The following ATXN10 variants were observed in gnomAD, a reference collection of about 807,000 sequenced individuals.
ATXN10 encodes ataxin 10.
Under a neutral mutation model 52.9 loss-of-function variants are expected in ATXN10, and 28 were observed. The ratio of observed to expected loss-of-function variants is 0.53; its 90% CI spans 0.39 to 0.73. The LOEUF (loss-of-function observed/expected upper bound fraction) is 0.73. Among genes scored for constraint, ATXN10 ranks in the 30% least tolerant of loss-of-function variants. ATXN10 has a pLI of 0.00. For missense variants in ATXN10, 565 were observed against 577.0 expected (o/e 0.98, Z 0.21); for synonymous variants, 226 against 221.5 (o/e 1.02, Z -0.18).
At chr22:45,758,970 A>C (rs1048568917) in intron 9 of ATXN10, among the ~76,000 whole-genome samples, 7 of 152,244 alleles carry the variant, frequency 4.6e-5, no homozygotes, top group Admixed American at 4.6e-4. Context: ...AGAGATTTAA[A>C]TCTTTAGAGT....
Position 45,840,186 on chromosome 22 carries a change from C to T in ATXN10, c.1238-2805C>T, listed in dbSNP as rs1191943596. 1.3e-5 allele frequency among the ~76,000 whole-genome samples: 2 copies of T among 152,188 alleles called. No homozygotes were observed. Among genetic ancestry groups the T allele is most frequent in the Non-Finnish European group, 2.9e-5 (2 of 68,048 alleles). On this transcript the variant is annotated intron_variant, in intron 10 of 11. Coordinates refer to ENST00000252934, the MANE Select transcript of ATXN10 (RefSeq NM_013236.4). This position sits in a 1 kb window ranked among gnomAD's most constrained non-coding sequence, Gnocchi z 5.8. ...AGCCTAGGCTTTCAAGACACAATTT[C>T]AATAAATATGTATTGAACATCCACT...
intron 9 of ATXN10, among the ~76,000 whole-genome samples, chr22:45,796,454 C>A (rs1009187467): frequency 4.6e-5 from 7 of 152,108 alleles, no homozygotes. Flanking sequence ...TCTCTGTGAC[C>A]CACACCCTGT....
intron 9 of ATXN10, among the ~76,000 whole-genome samples, chr22:45,746,318 A>G (rs1925723901): frequency 6.6e-6 from 1 of 150,600 alleles, no homozygotes; most frequent in African/African-American, 2.5e-5. Flanking sequence ...TAACTCCTTT[A>G]TTATTTCCTC....
At chr22:45,711,967 T>C (rs1353724932) in intron 5 of ATXN10, among the ~76,000 whole-genome samples, 1 of 152,248 alleles carries the variant, frequency 6.6e-6, no homozygotes, top group African/African-American at 2.4e-5. Context: ...GTATATCTTT[T>C]TGTGAAATGT....
At chr22:45,745,078 T>G (rs533439201) in intron 9 of ATXN10, among the ~76,000 whole-genome samples, 64 of 152,366 alleles carry the variant, frequency 4.2e-4, no homozygotes, top group South Asian at 3.9e-3. Context: ...TCTAAACTTT[T>G]GTGGACCTAA....
chr22:45,680,333 G>T (rs1922870063), intron 1 of ATXN10, among the ~76,000 whole-genome samples: 1 of 152,108 alleles, frequency 6.6e-6, no homozygotes, highest in Non-Finnish European at 1.5e-5. Context: ...CATTTAAAAA[G>T]ACTTAAGTGG....
In ATXN10 at chr22:45,842,505, C is replaced by T. The variant is rs1405411469; in HGVS notation, c.1238-486C>T. On this transcript the variant is annotated intron_variant, in intron 10 of 11. Transcript: ENST00000252934. The surrounding 1 kb of genome is among the most constrained non-coding windows in gnomAD (Gnocchi z 4.8). The stretch of plus-strand genomic sequence containing the variant: ...GAAACAATTCTTATTTCTAACTGGG[C>T]TCCCATTAAAACAAGATGATTTTCC... 6.6e-6 allele frequency among the ~76,000 whole-genome samples: 1 copy of T among 152,222 alleles called. No individual in the cohort carries two copies. The highest frequency in any genetic ancestry group is 6.5e-5 in the Admixed American group (1 of 15,282).
intron 9 of ATXN10, among the ~76,000 whole-genome samples, chr22:45,778,055 G>A (rs1927021812): frequency 6.6e-6 from 1 of 152,194 alleles, no homozygotes; most frequent in Non-Finnish European, 1.5e-5. Flanking sequence ...CAACAACACA[G>A]TTGAGTAGTT....
In ATXN10 at chr22:45,700,369, A is replaced by T. The variant is rs762802128; in HGVS notation, c.479A>T (p.Glu160Val). 3.1e-6 allele frequency: 5 copies of T among 1,612,982 alleles called. No individual in the cohort carries two copies. The highest frequency in any genetic ancestry group is 4.2e-6 in the Non-Finnish European group (5 of 1,179,110). Residue 160 changes from glutamate (E) to valine (V), a missense_variant, in exon 4 of 12, where the codon GAA (glutamate) becomes GTA (valine). Physicochemically the swap from Glu to Val is moderately radical, Grantham distance 121. Transcript: ENST00000252934. The stretch of plus-strand genomic sequence containing the variant: ...ATTGTTTGGGTGCATGCTTTCCCAG[A>T]ACTGTTTTTGTGAGTATATTGATAA... Reference protein sequence around the residue: ...QSIVWVHAFPELFLSCLNHPD... With the variant: ...QSIVWVHAFPVLFLSCLNHPD...
Position 45,688,526 on chromosome 22 carries a change from AAC to A in ATXN10, c.117-1180_117-1179del, listed in dbSNP as rs1398744861. On this transcript the variant is annotated intron_variant, in intron 1 of 11. Coordinates refer to ENST00000252934, the MANE Select transcript of ATXN10 (RefSeq NM_013236.4). The surrounding 1 kb of genome is among the most constrained non-coding windows in gnomAD (Gnocchi z 4.0). ...TTCTATTGTCTGTTCGTAAGATAAAAACACACATCACTTGGTGTATAAGAAGC... is the reference window on the plus strand; with the variant it reads ...TTCTATTGTCTGTTCGTAAGATAAAAACACATCACTTGGTGTATAAGAAGC... 6.6e-6 allele frequency among the ~76,000 whole-genome samples: 1 copy of A among 152,220 alleles called. No individual in the cohort carries two copies. Among genetic ancestry groups the A allele is most frequent in the Non-Finnish European group, 1.5e-5 (1 of 68,038 alleles).
At chr22:45,810,491 G>C (rs899826030) in intron 10 of ATXN10, among the ~76,000 whole-genome samples, 2 of 152,302 alleles carry the variant, frequency 1.3e-5, no homozygotes, top group East Asian at 1.9e-4. Context: ...TACACACACA[G>C]AAAACCTCGT....
chr22:45,740,080 CT>C (rs1424100328), intron 8 of ATXN10, among the ~76,000 whole-genome samples: 1 of 152,160 alleles, frequency 6.6e-6, no homozygotes, highest in African/African-American at 2.4e-5. Flanking sequence ...TGCTAGCAAA[CT>C]TTTAGCTAAC....
Position 45,763,256 on chromosome 22 carries a change from A to T in ATXN10, c.1173+22718A>T, listed in dbSNP as rs1052168393. 1.3e-5 allele frequency among the ~76,000 whole-genome samples: 2 copies of T among 151,996 alleles called. No individual in the cohort carries two copies. Among genetic ancestry groups the T allele is most frequent in the African/African-American group, 4.8e-5 (2 of 41,382 alleles). ...GAGAGCTGGAGAGAGTGAGGTGGTG[A>T]GGTGGGCCTGGCGTGTTCAAGGCAG... On this transcript the variant is annotated intron_variant, in intron 9 of 11. Coordinates refer to ENST00000252934, the MANE Select transcript of ATXN10 (RefSeq NM_013236.4). The surrounding 1 kb of genome is among the most constrained non-coding windows in gnomAD (Gnocchi z 6.9).
intron 10 of ATXN10, among the ~76,000 whole-genome samples, chr22:45,813,003 A>C (rs1928333227): frequency 6.6e-6 from 1 of 152,202 alleles, no homozygotes; most frequent in South Asian, 2.1e-4. Context: ...GGGATTTCCA[A>C]ATCCAGGGAA....
Position 45,843,848 on chromosome 22 carries a change from C to G in ATXN10, c.*177C>G, listed in dbSNP as rs1251814195. 1 of 647,298 alleles carries G rather than the reference C, an allele frequency of 1.5e-6. No individual in the cohort carries two copies. Among genetic ancestry groups the G allele is most frequent in the Non-Finnish European group, 2.7e-6 (1 of 370,214 alleles). 40.1% of individuals were successfully genotyped at this position (647,298 alleles called of 1,614,324 possible). ...CTAAAAGTGAAAGTAACTGAGTGTT[C>G]TCTTGTTTCTTTGCATTAATGTAAC... On this transcript the variant is annotated 3_prime_UTR_variant, in exon 12 of 12. Coordinates refer to ENST00000252934, the MANE Select transcript of ATXN10 (RefSeq NM_013236.4). The surrounding 1 kb of genome is among the most constrained non-coding windows in gnomAD (Gnocchi z 4.5).
intron 5 of ATXN10, among the ~76,000 whole-genome samples, chr22:45,713,788 A>G (rs1181806468): frequency 6.6e-6 from 1 of 152,168 alleles, no homozygotes; most frequent in South Asian, 2.1e-4. Context: ...TTTTCACTAA[A>G]TAGTACATTT....
At chr22:45,806,907 T>A in intron 9 of ATXN10, 52 bp from the exon 10 acceptor site, 1 of 1,378,870 alleles carries the variant, frequency 7.3e-7, no homozygotes, top group East Asian at 2.3e-5. Context: ...CTGTAATCTC[T>A]GACTATAGCC....
chr22:45,779,733 A>T (rs1205961817), intron 9 of ATXN10, among the ~76,000 whole-genome samples: 3 of 152,246 alleles, frequency 2.0e-5, no homozygotes, highest in Non-Finnish European at 2.9e-5. Context: ...GGTTACAGAC[A>T]AGAAAGCGAA....
rs563860996 is a variant in ATXN10 at position 45,746,273 on chromosome 22, A to T, written c.1173+5735A>T. Among the ~76,000 whole-genome samples the T allele has an allele frequency of 8.2e-4, 123 of 149,968 alleles. 1 individual carries two copies. Among genetic ancestry groups the T allele is most frequent in the African/African-American group, 2.8e-3 (115 of 40,668 alleles). ...GTGTACTATTTTCCACCCTTTTTGT[A>T]TCTAGTTGCAAGGAGCCAAGAACAG... On this transcript the variant is annotated intron_variant, in intron 9 of 11. Transcript: ENST00000252934.
Sources: gnomAD v4.1 joint callset for allele counts (sites outside exome capture counted in the v4.1 genomes callset) on GRCh38, gnomAD v4.1.1 for gene constraint, Gnocchi (gnomAD v3.1) non-coding constraint, MANE v1.5 for transcripts, NCBI Gene and HGNC (gene_info 2026-07-23, HGNC 2026-07-21) for gene names.